Variants in PINX1 observed in about 807,000 individuals in gnomAD.
PINX1 encodes the protein PIN2/TERF1-interacting telomerase inhibitor 1.
Under a neutral mutation model 25.4 loss-of-function variants are expected in PINX1, and 34 were observed. The ratio of observed to expected loss-of-function variants is 1.34; its 90% CI spans 1.02 to 1.78. The LOEUF is 1.78. Ranked by LOEUF, PINX1 falls within the 40% of genes most tolerant of loss-of-function variation. The pLI is 0.00. For synonymous variants in PINX1, 197 were observed against 147.7 expected, an observed-to-expected ratio of 1.33 and a Z score of -2.42; for missense variants, 592 against 404.9, an observed-to-expected ratio of 1.46 and a Z score of -3.97.
chr8:10,780,577 A>C (rs1203083079), intron 6 of PINX1, among the ~76,000 whole-genome samples: 4 of 152,134 alleles, frequency 2.6e-5, no homozygotes, highest in Non-Finnish European at 5.9e-5. Context: ...AACCTAGCTG[A>C]AAAAGAAACC....
chr8:10,780,284 T>C (rs1431563348), intron 6 of PINX1, among the ~76,000 whole-genome samples: 1 of 152,208 alleles, frequency 6.6e-6, no homozygotes, highest in Non-Finnish European at 1.5e-5. Context: ...GACATCCCTG[T>C]CTTGTACCAG....
chr8:10,787,833 G>GA, intron 6 of PINX1: 2 of 454,450 alleles, frequency 4.4e-6, no homozygotes, highest in East Asian at 1.4e-4. Flanking sequence ...AAACTGCAAA[G>GA]AAAAAAGAGA....
At chr8:10,775,278 C>G (rs532803717) in intron 6 of PINX1, among the ~76,000 whole-genome samples, 1 of 152,132 alleles carries the variant, frequency 6.6e-6, no homozygotes, top group Non-Finnish European at 1.5e-5. Flanking sequence ...GTTCTTGAAG[C>G]AAGACCTGCC....
At chr8:10,834,810 G>C in intron 1 of PINX1, 35 bp from the exon 2 acceptor site, 1 of 1,458,424 alleles carries the variant, frequency 6.9e-7, no homozygotes, top group Non-Finnish European at 9.6e-7. Flanking sequence ...CAGCAATGGA[G>C]ATGATACCCG....
In PINX1 at chr8:10,832,900, T is replaced by C. The variant is rs774528242; in HGVS notation, c.214A>G (p.Asn72Asp). 13 of 1,604,204 alleles carry C rather than the reference T, an allele frequency of 8.1e-6. No homozygotes were observed. The African/African-American group carries it at 1.6e-4, about 20-fold the overall frequency. The change falls in exon 3 of 7, where the codon AAT becomes GAT. Residue 72 changes from asparagine (N) to aspartate (D), a missense_variant. Coordinates refer to ENST00000314787, the MANE Select transcript of PINX1 (RefSeq NM_017884.6). ...NNHLGLGATI[N>D]NEDNWIAHQD... ...CACACACTGCTGCTCACTTCATTAT[T>C]GATGGTAGCTCCGAGTCCCAGGTGG...
chr8:10,809,751 G>A (rs1802567787), intron 6 of PINX1, among the ~76,000 whole-genome samples: 1 of 152,210 alleles, frequency 6.6e-6, no homozygotes, highest in African/African-American at 2.4e-5. Flanking sequence ...CGGCTCTAAG[G>A]AGCTCGTCTT....
rs75845610 is a variant in PINX1, at chr8:10,808,275, T to C, written c.471+11918A>G. ...AAATTATGACATGGAAAAATGTCAA[T>C]GCAAGTTATTATTGTAAAATATGAA... On this transcript the variant is annotated intron_variant, in intron 6 of 6. Coordinates refer to ENST00000314787, the MANE Select transcript of PINX1 (RefSeq NM_017884.6). Among the ~76,000 whole-genome samples, 795 of 152,316 alleles carry C rather than the reference T, an allele frequency of 5.2e-3. 4 individuals are homozygous for C. Among genetic ancestry groups the C allele is most frequent in the Admixed American group, 0.014 (216 of 15,304 alleles).
chr8:10,827,003 G>C (rs1200668910), intron 4 of PINX1, among the ~76,000 whole-genome samples: 1 of 152,142 alleles, frequency 6.6e-6, no homozygotes, highest in African/African-American at 2.4e-5. Context: ...ACCAAAAAAA[G>C]ATGATGAAAA....
At chr8:10,791,748 T>C (rs1801929224) in intron 6 of PINX1, among the ~76,000 whole-genome samples, 1 of 152,064 alleles carries the variant, frequency 6.6e-6, no homozygotes, top group Non-Finnish European at 1.5e-5. Flanking sequence ...GACTACAAAC[T>C]ATAAACCCTG....
rs759518539 is a variant in PINX1, at chr8:10,839,083, G to A, written c.19+655C>T. Among the ~76,000 whole-genome samples the A allele has an allele frequency of 4.6e-5, 7 of 152,172 alleles. 1 individual carries two copies. Among genetic ancestry groups the A allele is most frequent in the Admixed American group, 2.0e-4 (3 of 15,288 alleles). On this transcript the variant is annotated intron_variant, in intron 1 of 6. Coordinates refer to ENST00000314787, the MANE Select transcript of PINX1 (RefSeq NM_017884.6). Reference sequence around the variant, plus strand: ...TGGCGGCAAGCGACCTTCGCTACAGGTACAATTCAGAAGTTCAGCAGCCTC... The same window carrying A: ...TGGCGGCAAGCGACCTTCGCTACAGATACAATTCAGAAGTTCAGCAGCCTC...
intron 6 of PINX1, among the ~76,000 whole-genome samples, chr8:10,803,677 G>T (rs376878004): frequency 6.6e-6 from 1 of 152,210 alleles, no homozygotes; most frequent in Non-Finnish European, 1.5e-5. Flanking sequence ...GGCAGGAAGA[G>T]TTCAGATTTA....
chr8:10,811,801 T>A (rs1490844831), intron 6 of PINX1, among the ~76,000 whole-genome samples: 1 of 152,076 alleles, frequency 6.6e-6, no homozygotes, highest in East Asian at 1.9e-4. Flanking sequence ...AGAGCAAGTG[T>A]TCCAGCCAAC....
chr8:10,817,797 T>A (rs1797746346), intron 6 of PINX1, among the ~76,000 whole-genome samples: 1 of 152,096 alleles, frequency 6.6e-6, no homozygotes, highest in African/African-American at 2.4e-5. Context: ...CTTGAGGAGC[T>A]CTGTCCTCAG....
At position 10,765,351 on chromosome 8, in the gene PINX1, C is replaced by A. The variant is rs769508085; in HGVS notation, c.*50G>T. The A allele has an allele frequency of 1.5e-5, 22 of 1,497,648 alleles. No individual in the cohort carries two copies. In the Admixed American group the frequency reaches 4.6e-4, roughly 32 times the overall value. 92.8% of individuals were successfully genotyped at this position (1,497,648 alleles called of 1,614,324 possible). ...GACTTCAGGCCAGAGGTGTCTGCCCCCGCAGTGCCCTGACAGCTGAGTGGT... is the reference window on the plus strand; with the variant it reads ...GACTTCAGGCCAGAGGTGTCTGCCCACGCAGTGCCCTGACAGCTGAGTGGT... On this transcript the variant is annotated 3_prime_UTR_variant, in exon 7 of 7. Transcript: ENST00000314787.
intron 6 of PINX1, among the ~76,000 whole-genome samples, chr8:10,773,890 A>C (rs1466416956): frequency 2.0e-5 from 3 of 152,202 alleles, no homozygotes; most frequent in Non-Finnish European, 4.4e-5. Context: ...GCAGTGACAA[A>C]CTTTCCCGAC....
chr8:10,808,262 G>T (rs1484322670), intron 6 of PINX1, among the ~76,000 whole-genome samples: 1 of 152,120 alleles, frequency 6.6e-6, no homozygotes, highest in Non-Finnish European at 1.5e-5. Context: ...ATTATGACAT[G>T]GAAAAATGTC....
chr8:10,776,745 G>C (rs1034710769), intron 6 of PINX1, among the ~76,000 whole-genome samples: 11 of 152,154 alleles, frequency 7.2e-5, no homozygotes, highest in Non-Finnish European at 1.5e-4. Context: ...GGATGGGATG[G>C]TGCTGCCCAG....
At chr8:10,824,720 A>G (rs1428314621) in intron 5 of PINX1, among the ~76,000 whole-genome samples, 2 of 152,240 alleles carry the variant, frequency 1.3e-5, no homozygotes, top group Non-Finnish European at 2.9e-5. Flanking sequence ...AAATTAGAAG[A>G]TTCTACCTGT....
In PINX1 at chr8:10,772,582, G is replaced by C. The variant is rs534431799; in HGVS notation, c.472-6666C>G. ...CATTCATCGCTCACATCTGGAATTAGGCTAAACGCACCAAGTCTCGGCAAT... is the reference window on the plus strand; with the variant it reads ...CATTCATCGCTCACATCTGGAATTACGCTAAACGCACCAAGTCTCGGCAAT... On this transcript the variant is annotated intron_variant, in intron 6 of 6. Coordinates refer to ENST00000314787, the MANE Select transcript of PINX1 (RefSeq NM_017884.6). Among the ~76,000 whole-genome samples the C allele has an allele frequency of 1.0e-3, 154 of 152,296 alleles. 1 individual carries two copies. Among genetic ancestry groups the C allele is most frequent in the African/African-American group, 3.1e-3 (129 of 41,566 alleles).
Sources: allele counts gnomAD v4.1 joint callset (sites outside exome capture counted in the v4.1 genomes callset), GRCh38; gene constraint gnomAD v4.1.1; transcripts MANE v1.5; gene names NCBI Gene and HGNC (gene_info 2026-07-23, HGNC 2026-07-21).